Variants in IQGAP2 observed in about 807,000 individuals in gnomAD.
The protein encoded by IQGAP2 is ras GTPase-activating-like protein IQGAP2.
IQGAP2 carries 173 observed loss-of-function variants against 201.3 expected under a neutral mutation model. That is an observed-to-expected ratio of 0.86 (90% confidence interval 0.76 to 0.98). IQGAP2 has a LOEUF of 0.98. IQGAP2 is among the 50% of genes least tolerant of loss of function. The probability of loss-of-function intolerance (pLI) is 0.00; values close to 1 mark genes in which losing one functional copy is unlikely to be tolerated. For missense variants in IQGAP2, 1,687 were observed against 1,864.8 expected, an observed-to-expected ratio of 0.90 and a Z score of 1.76; for synonymous variants, 675 against 673.9, an observed-to-expected ratio of 1.00 and a Z score of -0.03.
At chr5:76,590,097 G>T (rs754198381) in intron 7 of IQGAP2, among the ~76,000 whole-genome samples, 2 of 152,104 alleles carry the variant, frequency 1.3e-5, no homozygotes, top group African/African-American at 4.8e-5. Context: ...TACCCATGTC[G>T]CCCTGACCAG....
rs879423626 is a variant in IQGAP2, at chr5:76,496,759, TTC to T, written c.146+35092_146+35093del. Reference sequence around the variant, plus strand: ...TTTCTTTCTTTCTTTCTTTCTTTCTTTCTTTCTTTCTTTCTTTCTTTCTTTCT... The same window carrying T: ...TTTCTTTCTTTCTTTCTTTCTTTCTTTTTCTTTCTTTCTTTCTTTCTTTCT... On this transcript the variant is annotated intron_variant, in intron 2 of 35. Transcript: ENST00000274364. Among the ~76,000 whole-genome samples, 122 of 93,018 alleles carry T rather than the reference TTC, an allele frequency of 1.3e-3. 6 individuals are homozygous for T. Among genetic ancestry groups the T allele is most frequent in the African/African-American group, 6.5e-3 (116 of 17,916 alleles). 61.0% of individuals were successfully genotyped at this position (93,018 alleles called of 152,430 possible). A position where few individuals can be genotyped will look rare whatever the true frequency, so the allele number is the denominator to read the frequency against.
At chr5:76,551,581 G>A (rs1223169392) in intron 2 of IQGAP2, among the ~76,000 whole-genome samples, 5 of 152,154 alleles carry the variant, frequency 3.3e-5, no homozygotes, top group Non-Finnish European at 5.9e-5. Flanking sequence ...CACTGAGTGA[G>A]CGAGACTCCG....
In IQGAP2 at chr5:76,594,183, G is replaced by A. The variant is rs533081404; in HGVS notation, c.907+1258G>A. ...TAAAGTTTGTCTTTTTGCTCTATGC[G>A]AAAGCTGAGAACTTCGTGATGCTTG... On this transcript the variant is annotated intron_variant, in intron 9 of 35. Coordinates refer to ENST00000274364, the MANE Select transcript of IQGAP2 (RefSeq NM_006633.5). Among the ~76,000 whole-genome samples, 10 of 152,276 alleles carry A rather than the reference G, an allele frequency of 6.6e-5. No individual in the cohort carries two copies. The South Asian group carries it at 1.7e-3, about 25-fold the overall frequency.
At chr5:76,581,060 G>C (rs1317666095) in intron 5 of IQGAP2, among the ~76,000 whole-genome samples, 2 of 152,194 alleles carry the variant, frequency 1.3e-5, no homozygotes, top group Non-Finnish European at 2.9e-5. Context: ...CATGTTTTCA[G>C]GTGCAATGGT....
At chr5:76,479,235 A>G (rs10070864) in intron 2 of IQGAP2, among the ~76,000 whole-genome samples, 3,169 of 151,878 alleles carry the variant, frequency 0.021, 40 homozygotes, top group Non-Finnish European at 0.033. Flanking sequence ...AGACATTCTC[A>G]CTCGCTGTAC....
chr5:76,582,783 A>AACT (rs35811029), intron 5 of IQGAP2, among the ~76,000 whole-genome samples: 25,564 of 151,758 alleles, frequency 0.17, 2,315 homozygotes, highest in Admixed American at 0.28. Context: ...AGTAGATAAC[A>AACT]ACTACTACTA....
chr5:76,592,061 C>G (rs1263218406), intron 8 of IQGAP2, among the ~76,000 whole-genome samples: 1 of 152,204 alleles, frequency 6.6e-6, no homozygotes, highest in Non-Finnish European at 1.5e-5. Context: ...CATTGCATGA[C>G]TCTTCTATCA....
intron 1 of IQGAP2, among the ~76,000 whole-genome samples, chr5:76,423,639 C>G (rs1043747202): frequency 4.6e-5 from 7 of 151,970 alleles, no homozygotes; most frequent in African/African-American, 1.5e-4. Flanking sequence ...AGAAATAGTG[C>G]TTGGTCATCA....
intron 4 of IQGAP2, among the ~76,000 whole-genome samples, chr5:76,572,063 T>C (rs1447581090): frequency 1.3e-5 from 2 of 152,172 alleles, no homozygotes; most frequent in African/African-American, 4.8e-5. Context: ...ATGTTCTCGA[T>C]CTCTATAGTT....
intron 28 of IQGAP2, among the ~76,000 whole-genome samples, chr5:76,682,556 A>G (rs771474319): frequency 1.1e-4 from 16 of 152,112 alleles, no homozygotes; most frequent in Non-Finnish European, 1.8e-4. Context: ...AGACCTGGCA[A>G]GACACCCCAG....
chr5:76,519,843 GTAAA>G (rs1758556991), intron 2 of IQGAP2, among the ~76,000 whole-genome samples: 2 of 152,068 alleles, frequency 1.3e-5, no homozygotes, highest in Non-Finnish European at 2.9e-5. Flanking sequence ...TGCTCATTTG[GTAAA>G]CTATCTGCTC....
intron 1 of IQGAP2, among the ~76,000 whole-genome samples, chr5:76,457,596 G>A (rs1313692869): frequency 6.6e-6 from 1 of 152,088 alleles, no homozygotes; most frequent in African/African-American, 2.4e-5. Flanking sequence ...TGGCCTTGGT[G>A]TCTCTGTGTG....
chr5:76,491,662 T>C (rs141476037), intron 2 of IQGAP2, among the ~76,000 whole-genome samples: 9 of 152,294 alleles, frequency 5.9e-5, no homozygotes, highest in African/African-American at 2.2e-4. Flanking sequence ...TTTCCTGACA[T>C]GTGCTTTTAG....
intron 2 of IQGAP2, among the ~76,000 whole-genome samples, chr5:76,538,284 C>T (rs894175782): frequency 1.2e-4 from 18 of 152,190 alleles, no homozygotes; most frequent in African/African-American, 4.3e-4. Flanking sequence ...CTGGGTCGCT[C>T]CCACGACATG....
chr5:76,530,100 T>C (rs751754281), intron 2 of IQGAP2, among the ~76,000 whole-genome samples: 1 of 152,202 alleles, frequency 6.6e-6, no homozygotes, highest in Non-Finnish European at 1.5e-5. Context: ...TTGTGGGCTG[T>C]GTGGACTCTG....
At chr5:76,644,684 TAGAGA>T (rs1751887931) in intron 17 of IQGAP2, among the ~76,000 whole-genome samples, 1 of 152,072 alleles carries the variant, frequency 6.6e-6, no homozygotes, top group African/African-American at 2.4e-5. Context: ...AGCCTCTAAT[TAGAGA>T]AGAGATTACA....
At chr5:76,452,629 CTGAT>C (rs1432547913) in intron 1 of IQGAP2, among the ~76,000 whole-genome samples, 4 of 152,120 alleles carry the variant, frequency 2.6e-5, no homozygotes, top group Non-Finnish European at 5.9e-5. Flanking sequence ...AATCTATCTG[CTGAT>C]TAACAAGATA....
At chr5:76,505,568 A>T (rs1291809480) in intron 2 of IQGAP2, among the ~76,000 whole-genome samples, 2 of 152,184 alleles carry the variant, frequency 1.3e-5, no homozygotes, top group Non-Finnish European at 2.9e-5. Flanking sequence ...TAAGAAAAAA[A>T]AAATCCTCTT....
chr5:76,565,391 G>A (rs553700579), intron 3 of IQGAP2, among the ~76,000 whole-genome samples: 5 of 152,278 alleles, frequency 3.3e-5, no homozygotes, highest in Admixed American at 6.5e-5. Flanking sequence ...AGGAGCTTTT[G>A]TGCTACCCCC....
Sources: allele counts gnomAD v4.1 joint callset (sites outside exome capture counted in the v4.1 genomes callset), GRCh38; gene constraint gnomAD v4.1.1; transcripts MANE v1.5; gene names NCBI Gene and HGNC (gene_info 2026-07-23, HGNC 2026-07-21).